MCC: variants seen among roughly 807,000 people sequenced by gnomAD.
MCC encodes the protein colorectal mutant cancer protein.
A neutral mutation model predicts 116.2 loss-of-function variants in MCC; 90 were observed. The ratio of observed to expected loss-of-function variants is 0.77; its 90% CI spans 0.65 to 0.92. The LOEUF is 0.92. Among genes scored for constraint, MCC ranks in the 40% least tolerant of loss-of-function variants. The probability of loss-of-function intolerance (pLI) is 0.00; values close to 1 mark genes in which losing one functional copy is unlikely to be tolerated. For missense variants in MCC, 1,516 were observed against 1,312.2 expected (o/e 1.16, Z -2.40); for synonymous variants, 578 against 510.5 (o/e 1.13, Z -1.78).
At chr5:113,322,083 C>T (rs1221494823) in intron 3 of MCC, among the ~76,000 whole-genome samples, 5 of 152,160 alleles carry the variant, frequency 3.3e-5, no homozygotes, top group African/African-American at 4.8e-5. Flanking sequence ...CCACCTGCCT[C>T]GGGCTCCCAA....
At chr5:113,380,652 T>C (rs1353121810) in intron 2 of MCC, among the ~76,000 whole-genome samples, 1 of 152,188 alleles carries the variant, frequency 6.6e-6, no homozygotes, top group African/African-American at 2.4e-5. Context: ...GAAAGATAGA[T>C]AAGTAAATAT....
intron 3 of MCC, among the ~76,000 whole-genome samples, chr5:113,185,476 C>T (rs1761855878): frequency 6.6e-6 from 1 of 152,134 alleles, no homozygotes; most frequent in Non-Finnish European, 1.5e-5. Context: ...TTACATGATT[C>T]TAAAATTCCT....
At chr5:113,437,094 A>AG (rs975501426) in intron 1 of MCC, 1 of 152,182 alleles carries the variant, frequency 6.6e-6, no homozygotes, top group African/African-American at 2.4e-5. Context: ...CAAAAAAAAA[A>AG]AAAGTTTATC....
At chr5:113,177,347 C>T (rs1253486506) in intron 3 of MCC, among the ~76,000 whole-genome samples, 1 of 152,226 alleles carries the variant, frequency 6.6e-6, no homozygotes, top group Middle Eastern at 3.2e-3. Flanking sequence ...CTAACATTGA[C>T]TAGTTCCTCT....
At chr5:113,333,810 T>TACATATGTAC (rs778710246) in intron 3 of MCC, among the ~76,000 whole-genome samples, 3 of 69,772 alleles carry the variant, frequency 4.3e-5, no homozygotes, top group African/African-American at 1.5e-4. Flanking sequence ...TGTATATATG[T>TACATATGTAC]ATATATGTAC....
chr5:113,416,969 C>CTTTT lies in MCC; in HGVS notation c.171-31761_171-31758dup, dbSNP rs148628081. On this transcript the variant is annotated intron_variant, in intron 1 of 18. Coordinates refer to ENST00000408903, the MANE Select transcript of MCC (RefSeq NM_001085377.2). ...TGCTGTTTCTTACCATGTGAATTGC[C>CTTTT]TTTTTTTTTTTTTTTTTTTGAGACG... Among the ~76,000 whole-genome samples the CTTTT allele has an allele frequency of 4.9e-5, 6 of 122,514 alleles. 1 individual carries two copies. Among genetic ancestry groups the CTTTT allele is most frequent in the Admixed American group, 8.5e-5 (1 of 11,828 alleles). The allele number at this position is 122,514 out of a possible 152,430, so 80.4% of individuals were successfully genotyped here.
chr5:113,206,876 A>G (rs1362686645), intron 3 of MCC, among the ~76,000 whole-genome samples: 2 of 152,192 alleles, frequency 1.3e-5, no homozygotes, highest in Non-Finnish European at 2.9e-5. Context: ...TCATGACAAT[A>G]GCTCTGTGAT....
chr5:113,325,751 G>C (rs1333986639), intron 3 of MCC, among the ~76,000 whole-genome samples: 4 of 152,104 alleles, frequency 2.6e-5, no homozygotes, highest in African/African-American at 9.7e-5. Context: ...CTTCTAAAAA[G>C]AGTCACTTTA....
At chr5:113,311,657 C>T (rs1767136504) in intron 3 of MCC, among the ~76,000 whole-genome samples, 1 of 152,092 alleles carries the variant, frequency 6.6e-6, no homozygotes, top group Admixed American at 6.6e-5. Flanking sequence ...AGATAACTGA[C>T]ACATTGCTTA....
intron 1 of MCC, among the ~76,000 whole-genome samples, chr5:113,440,626 G>T (rs1408012957): frequency 1.3e-5 from 2 of 152,042 alleles, no homozygotes; most frequent in African/African-American, 4.8e-5. Context: ...GGAGAGAGAA[G>T]AGGGAAGGAA....
chr5:113,401,281 A>C (rs912414265), intron 1 of MCC, among the ~76,000 whole-genome samples: 1 of 152,218 alleles, frequency 6.6e-6, no homozygotes, highest in Non-Finnish European at 1.5e-5. Context: ...AATATATAAA[A>C]GATTCACAGT....
chr5:113,143,147 G>T, intron 5 of MCC, 71 bp downstream of exon 5: 1 of 1,478,776 alleles, frequency 6.8e-7, no homozygotes. Flanking sequence ...TAAAATAGTT[G>T]GGGCTACTTC....
intron 3 of MCC, among the ~76,000 whole-genome samples, chr5:113,259,460 G>C (rs1765140142): frequency 6.6e-6 from 1 of 151,976 alleles, no homozygotes; most frequent in African/African-American, 2.4e-5. Flanking sequence ...TCAGGTAATA[G>C]AGTCTACCAC....
At chr5:113,257,849 G>A (rs1396204534) in intron 3 of MCC, among the ~76,000 whole-genome samples, 3 of 152,168 alleles carry the variant, frequency 2.0e-5, no homozygotes, top group Admixed American at 6.5e-5. Flanking sequence ...CCCGAGGGAG[G>A]GGAAAGCGTT....
At chr5:113,139,168 T>C (rs913745432) in intron 5 of MCC, among the ~76,000 whole-genome samples, 9 of 152,140 alleles carry the variant, frequency 5.9e-5, no homozygotes, top group African/African-American at 2.2e-4. Flanking sequence ...ACTCTGTTTG[T>C]TCAGTGGTAC....
chr5:113,043,004 A>G (rs866960538), intron 17 of MCC, among the ~76,000 whole-genome samples: 1 of 152,210 alleles, frequency 6.6e-6, no homozygotes, highest in Non-Finnish European at 1.5e-5. Flanking sequence ...AGAAGGTATG[A>G]AAAGTGGAGA....
At chr5:113,103,952 T>C (rs1398436885) in intron 7 of MCC, among the ~76,000 whole-genome samples, 1 of 152,200 alleles carries the variant, frequency 6.6e-6, no homozygotes, top group African/African-American at 2.4e-5. Context: ...AAGTAAATTG[T>C]CCTTTTTACC....
At chr5:113,244,682 G>C (rs917900783) in intron 3 of MCC, among the ~76,000 whole-genome samples, 2 of 152,168 alleles carry the variant, frequency 1.3e-5, no homozygotes, top group Non-Finnish European at 2.9e-5. Flanking sequence ...TAGAAAAATG[G>C]TTTCACTAAG....
chr5:113,244,887 CAAAT>C (rs1217484505), intron 3 of MCC, among the ~76,000 whole-genome samples: 1 of 152,192 alleles, frequency 6.6e-6, no homozygotes, highest in Non-Finnish European at 1.5e-5. Flanking sequence ...ACAAATTTGT[CAAAT>C]AAAATCTGAG....
Sources: allele counts gnomAD v4.1 joint callset (sites outside exome capture counted in the v4.1 genomes callset), GRCh38; gene constraint gnomAD v4.1.1; transcripts MANE v1.5; gene names NCBI Gene and HGNC (gene_info 2026-07-23, HGNC 2026-07-21).